The following CNTNAP2 variants were observed in gnomAD, a reference collection of about 807,000 sequenced individuals.
The protein encoded by CNTNAP2 is contactin associated protein 2.
Under a neutral mutation model 155.2 loss-of-function variants are expected in CNTNAP2, and 98 were observed. The observed-to-expected ratio is 0.63, with a 90% CI of 0.54 to 0.75. The LOEUF (loss-of-function observed/expected upper bound fraction) is 0.75, where lower values mean the gene tolerates loss of function less well. CNTNAP2 is among the 30% of genes least tolerant of loss of function. CNTNAP2 has a pLI of 0.00. For synonymous variants in CNTNAP2, 651 were observed against 631.2 expected, an observed-to-expected ratio of 1.03 and a Z score of -0.47; for missense variants, 1,727 against 1,688.1, an observed-to-expected ratio of 1.02 and a Z score of -0.40.
chr7:147,360,379 T>A (rs1263849557), intron 9 of CNTNAP2, among the ~76,000 whole-genome samples: 1 of 152,310 alleles, frequency 6.6e-6, no homozygotes, highest in East Asian at 1.9e-4. Flanking sequence ...ATTTATCCCG[T>A]GTCTCCTGTG....
chr7:148,040,220 G>A (rs76240074), intron 15 of CNTNAP2, among the ~76,000 whole-genome samples: 2,289 of 152,214 alleles, frequency 0.015, 76 homozygotes, highest in African/African-American at 0.051. Context: ...TGAAATAAAT[G>A]GAAAATTCTC....
chr7:146,402,398 A>G (rs888875113), intron 1 of CNTNAP2, among the ~76,000 whole-genome samples: 1 of 152,114 alleles, frequency 6.6e-6, no homozygotes, highest in Non-Finnish European at 1.5e-5. Context: ...TGCTTGGTTC[A>G]GGGACCAGAA....
At chr7:147,035,225 A>G (rs976149393) in intron 3 of CNTNAP2, among the ~76,000 whole-genome samples, 2 of 152,192 alleles carry the variant, frequency 1.3e-5, no homozygotes, top group Non-Finnish European at 1.5e-5. Context: ...GTGGAAGGCC[A>G]GCCAGATGAA....
At chr7:147,851,273 C>G (rs1180921551) in intron 13 of CNTNAP2, among the ~76,000 whole-genome samples, 3 of 152,128 alleles carry the variant, frequency 2.0e-5, no homozygotes, top group Admixed American at 6.5e-5. Context: ...CAGGAAACAA[C>G]AGGTGCTGGA....
intron 13 of CNTNAP2, among the ~76,000 whole-genome samples, chr7:147,887,644 C>T (rs1267015434): frequency 6.6e-6 from 1 of 152,100 alleles, no homozygotes; most frequent in Non-Finnish European, 1.5e-5. Context: ...TTCCATGCAA[C>T]CAGCAGCTTT....
intron 19 of CNTNAP2, among the ~76,000 whole-genome samples, chr7:148,221,467 T>C (rs1795746737): frequency 1.3e-5 from 2 of 152,110 alleles, no homozygotes; most frequent in African/African-American, 4.8e-5. Flanking sequence ...CTCAGTGTTC[T>C]TGGAAGGCAA....
At chr7:146,230,397 G>A (rs957804548) in intron 1 of CNTNAP2, among the ~76,000 whole-genome samples, 3 of 152,270 alleles carry the variant, frequency 2.0e-5, no homozygotes, top group South Asian at 2.1e-4. Context: ...AGAAATTCTA[G>A]TATGCTGATA....
rs560815008 is a variant in CNTNAP2 at position 147,168,723 on chromosome 7, G to T, written c.1348+36214G>T. Among the ~76,000 whole-genome samples, 13 of 152,118 alleles carry T rather than the reference G, an allele frequency of 8.5e-5. No individual in the cohort carries two copies. The South Asian group carries it at 2.3e-3, about 27-fold the overall frequency. ...CTATACTTAAAGTTAAGTTTTAGAA[G>T]TATCTTTTCCCTAATTGTTATTGAG... On this transcript the variant is annotated intron_variant, in intron 8 of 23. Coordinates refer to ENST00000361727, the MANE Select transcript of CNTNAP2 (RefSeq NM_014141.6).
intron 8 of CNTNAP2, among the ~76,000 whole-genome samples, chr7:147,180,531 T>A (rs1477333263): frequency 6.6e-6 from 1 of 152,096 alleles, no homozygotes; most frequent in Non-Finnish European, 1.5e-5. Context: ...AAACAAGCCA[T>A]CACTTAAGTA....
At chr7:147,508,602 G>A (rs1798957596) in intron 11 of CNTNAP2, among the ~76,000 whole-genome samples, 1 of 152,132 alleles carries the variant, frequency 6.6e-6, no homozygotes, top group Non-Finnish European at 1.5e-5. Context: ...CTTTGGCTGT[G>A]TCCCCACCCA....
chr7:146,513,020 C>T (rs1253764098), intron 1 of CNTNAP2, among the ~76,000 whole-genome samples: 4 of 151,792 alleles, frequency 2.6e-5, no homozygotes, highest in African/African-American at 9.7e-5. Context: ...GCTGAATTGA[C>T]CCTTTTATAA....
intron 13 of CNTNAP2, among the ~76,000 whole-genome samples, chr7:147,655,181 G>A (rs1020955731): frequency 6.6e-6 from 1 of 151,674 alleles, no homozygotes; most frequent in Non-Finnish European, 1.5e-5. Flanking sequence ...GGAGTGCAGT[G>A]GCACAATCTT....
chr7:147,251,324 A>G (rs1804192615), intron 8 of CNTNAP2, among the ~76,000 whole-genome samples: 1 of 152,170 alleles, frequency 6.6e-6, no homozygotes, highest in Non-Finnish European at 1.5e-5. Flanking sequence ...AGGACGAGGC[A>G]TTGTTTGGTC....
intron 13 of CNTNAP2, among the ~76,000 whole-genome samples, chr7:147,796,889 C>CCT (rs1563092516): frequency 6.6e-6 from 1 of 152,086 alleles, no homozygotes; most frequent in African/African-American, 2.4e-5. Context: ...TTAAGACCTC[C>CCT]GTTTTTTTGT....
chr7:147,650,076 A>G (rs868056872), intron 13 of CNTNAP2, among the ~76,000 whole-genome samples: 23 of 152,058 alleles, frequency 1.5e-4, no homozygotes, highest in African/African-American at 5.6e-4. Context: ...TTAAATCGTA[A>G]TTTTTTCCAG....
chr7:147,625,953 G>A (rs1343685683), intron 12 of CNTNAP2, among the ~76,000 whole-genome samples: 1 of 152,170 alleles, frequency 6.6e-6, no homozygotes, highest in Non-Finnish European at 1.5e-5. Flanking sequence ...GATTTAGGGA[G>A]TCACATGAAA....
intron 1 of CNTNAP2, among the ~76,000 whole-genome samples, chr7:146,547,749 A>ATGTT (rs1392995066): frequency 6.6e-6 from 1 of 151,794 alleles, no homozygotes. Flanking sequence ...GGTATTGGGA[A>ATGTT]TGTTGCTGTG....
chr7:147,174,328 C>T (rs1802291707), intron 8 of CNTNAP2, among the ~76,000 whole-genome samples: 2 of 152,150 alleles, frequency 1.3e-5, no homozygotes, highest in Admixed American at 6.5e-5. Flanking sequence ...TTCAACAATG[C>T]AATTTCTTAT....
intron 18 of CNTNAP2, among the ~76,000 whole-genome samples, chr7:148,182,177 A>T (rs1795049455): frequency 6.6e-6 from 1 of 152,118 alleles, no homozygotes; most frequent in Admixed American, 6.5e-5. Context: ...CAATGATCAG[A>T]ACTCTAAATA....
Sources: gnomAD v4.1 joint callset for allele counts (sites outside exome capture counted in the v4.1 genomes callset) on GRCh38, gnomAD v4.1.1 for gene constraint, MANE v1.5 for transcripts, NCBI Gene and HGNC (gene_info 2026-07-23, HGNC 2026-07-21) for gene names.